DISC1: variants seen among roughly 807,000 people sequenced by gnomAD.
DISC1 encodes disrupted in schizophrenia 1 protein.
A neutral mutation model predicts 84.5 loss-of-function variants in DISC1; 57 were observed. That is an observed-to-expected ratio of 0.67 (90% CI 0.55 to 0.84). The LOEUF (loss-of-function observed/expected upper bound fraction) is 0.84. Among genes scored for constraint, DISC1 ranks in the 40% least tolerant of loss-of-function variants. DISC1 has a pLI of 0.00. For missense variants in DISC1, 1,000 were observed against 1,057.8 expected (o/e 0.95, Z 0.76); for synonymous variants, 411 against 415.2 (o/e 0.99, Z 0.12).
At position 231,644,871 on chromosome 1, in the gene DISC1, T is replaced by A. The variant is rs1046354006; in HGVS notation, c.67+17937T>A. 7.9e-5 allele frequency among the ~76,000 whole-genome samples: 12 copies of A among 152,070 alleles called. 1 individual carries two copies. The highest frequency in any genetic ancestry group is 2.7e-4 in the African/African-American group (11 of 41,496). Reference sequence around the variant, plus strand: ...TTCCCTGCATTTAGCACGTGGACTCTCTGAATCTGTTGGGTGCTTAGGGCC... The same window carrying A: ...TTCCCTGCATTTAGCACGTGGACTCACTGAATCTGTTGGGTGCTTAGGGCC... On this transcript the variant is annotated intron_variant, in intron 1 of 12. Coordinates refer to ENST00000439617, the MANE Select transcript of DISC1 (RefSeq NM_018662.3).
Position 231,694,636 on chromosome 1 carries a change from C to T in DISC1, c.878C>T (p.Ser293Phe). ...TCCAGGCCAGAGCGTGACATGCATT[C>T]TTTACCAGACATGGACCCTGGCTCC... is the stretch of plus-strand genomic sequence containing the variant. ...NSSRPERDMH[S>F]LPDMDPGSSS... is the part of the protein sequence containing the mutation. Residue 293 changes from serine (S) to phenylalanine (F), a missense_variant, in exon 2 of 13, where the codon TCT becomes TTT. Physicochemically the swap from Ser to Phe is radical, Grantham distance 155 (BLOSUM62 -2). Transcript: ENST00000439617. 6.2e-7 allele frequency: 1 copy of T among 1,614,272 alleles called. No homozygotes were observed. Among genetic ancestry groups the T allele is most frequent in the Non-Finnish European group, 8.5e-7 (1 of 1,180,050 alleles).
chr1:231,934,679 A>G (rs1351573511), intron 9 of DISC1, among the ~76,000 whole-genome samples: 1 of 152,258 alleles, frequency 6.6e-6, no homozygotes, highest in African/African-American at 2.4e-5. Context: ...TAGGTTTCTT[A>G]GGTGAATGAT....
chr1:231,884,409 G>A (rs997525786), intron 9 of DISC1, among the ~76,000 whole-genome samples: 5 of 152,140 alleles, frequency 3.3e-5, no homozygotes, highest in African/African-American at 1.2e-4. Flanking sequence ...CATCCATGCT[G>A]CTACAAAGGA....
At chr1:231,766,239 G>A (rs1423099112) in intron 4 of DISC1, among the ~76,000 whole-genome samples, 2 of 147,410 alleles carry the variant, frequency 1.4e-5, no homozygotes, top group Admixed American at 1.4e-4. Context: ...ACAGTGAGCC[G>A]AGATTGCACC....
chr1:231,898,216 A>G (rs2087859933), intron 9 of DISC1, among the ~76,000 whole-genome samples: 1 of 152,214 alleles, frequency 6.6e-6, no homozygotes, highest in Admixed American at 6.5e-5. Context: ...TATTTCTTAC[A>G]ATTACACATA....
chr1:231,719,469 TA>T (rs2125087759), intron 3 of DISC1, among the ~76,000 whole-genome samples: 1 of 152,372 alleles, frequency 6.6e-6, no homozygotes. Context: ...TCAACCTTGT[TA>T]AAAACCTGAC....
intron 9 of DISC1, among the ~76,000 whole-genome samples, chr1:231,886,124 A>T (rs776907761): frequency 3.3e-5 from 5 of 152,162 alleles, no homozygotes; most frequent in Non-Finnish European, 5.9e-5. Flanking sequence ...GCGTTAATCC[A>T]TTCTAGAGGG....
At chr1:232,020,693 C>T (rs1313662281) in intron 11 of DISC1, among the ~76,000 whole-genome samples, 1 of 152,274 alleles carries the variant, frequency 6.6e-6, no homozygotes, top group East Asian at 1.9e-4. Flanking sequence ...CCAAAGCTTT[C>T]ACTGAGACAC....
intron 9 of DISC1, chr1:231,819,261 T>C: frequency 1.6e-6 from 1 of 639,262 alleles, no homozygotes; most frequent in Non-Finnish European, 2.0e-6. Flanking sequence ...TATGCTTATT[T>C]AAGAAGAAAT....
intron 10 of DISC1, among the ~76,000 whole-genome samples, chr1:231,985,676 G>C (rs115062451): frequency 6.6e-6 from 1 of 152,184 alleles, no homozygotes; most frequent in Admixed American, 6.5e-5. Flanking sequence ...ATGAATATCT[G>C]TTATGTCTGT....
intron 9 of DISC1, among the ~76,000 whole-genome samples, chr1:231,928,856 G>T (rs2090495311): frequency 6.6e-6 from 1 of 152,306 alleles, no homozygotes; most frequent in African/African-American, 2.4e-5. Flanking sequence ...TTTCCATGTA[G>T]TTGTGCGGTT....
At position 231,823,981 on chromosome 1, in the gene DISC1, G is replaced by A. The variant is rs1288901529; in HGVS notation, c.1981+5464G>A. Among the ~76,000 whole-genome samples the A allele has an allele frequency of 2.6e-5, 4 of 152,228 alleles. No individual in the cohort carries two copies. In the East Asian group the frequency reaches 7.7e-4, roughly 29 times the overall value. On this transcript the variant is annotated intron_variant, in intron 9 of 12. Transcript: ENST00000439617. ...AGAAACATTAAGATATTAAACTGTC[G>A]AGGTGAATTAGGGCTTGGGCTAGTG...
At chr1:231,995,395 T>C (rs1273712076) in intron 10 of DISC1, among the ~76,000 whole-genome samples, 2 of 152,080 alleles carry the variant, frequency 1.3e-5, no homozygotes, top group African/African-American at 2.4e-5. Flanking sequence ...AATGTGCAGG[T>C]TAGTTACATA....
At chr1:231,966,887 T>A (rs1661192472) in intron 10 of DISC1, among the ~76,000 whole-genome samples, 1 of 152,158 alleles carries the variant, frequency 6.6e-6, no homozygotes, top group Non-Finnish European at 1.5e-5. Flanking sequence ...ACTTTTATCA[T>A]CAGAAAAGAC....
chr1:231,776,341 C>T (rs535470368), intron 6 of DISC1, among the ~76,000 whole-genome samples: 3 of 152,208 alleles, frequency 2.0e-5, no homozygotes, highest in Non-Finnish European at 4.4e-5. Context: ...TTTCATGCTT[C>T]ATGTGAAATG....
chr1:231,860,703 T>C (rs747117309), intron 9 of DISC1, among the ~76,000 whole-genome samples: 3 of 152,342 alleles, frequency 2.0e-5, no homozygotes, highest in Non-Finnish European at 4.4e-5. Flanking sequence ...TTCAGACTTA[T>C]CACTATCAAG....
intron 9 of DISC1, among the ~76,000 whole-genome samples, chr1:231,953,503 A>G (rs1165952687): frequency 6.6e-6 from 1 of 152,190 alleles, no homozygotes; most frequent in Admixed American, 6.5e-5. Context: ...AATTATCCGA[A>G]CAAAGGTTCT....
chr1:231,945,428 C>T (rs1656968621), intron 9 of DISC1, among the ~76,000 whole-genome samples: 1 of 152,104 alleles, frequency 6.6e-6, no homozygotes, highest in African/African-American at 2.4e-5. Context: ...AACAAAGACA[C>T]AACAAAGCAG....
chr1:231,999,477 C>T (rs1558822313), intron 10 of DISC1, among the ~76,000 whole-genome samples: 2 of 152,144 alleles, frequency 1.3e-5, no homozygotes, highest in Non-Finnish European at 2.9e-5. Flanking sequence ...CAGGGGAGAG[C>T]TCTCCTTCCC....
Sources: gnomAD v4.1 joint callset for allele counts (sites outside exome capture counted in the v4.1 genomes callset) on GRCh38, gnomAD v4.1.1 for gene constraint, MANE v1.5 for transcripts, NCBI Gene and HGNC (gene_info 2026-07-23, HGNC 2026-07-21) for gene names.